CACNA2D1: variants seen among roughly 807,000 people sequenced by gnomAD.
CACNA2D1 encodes calcium voltage-gated channel auxiliary subunit alpha2delta 1, also known as voltage-dependent calcium channel subunit alpha-2/delta-1.
CACNA2D1 carries 53 observed loss-of-function variants against 171.5 expected under a neutral mutation model. That is an observed-to-expected ratio of 0.31 (90% CI 0.25 to 0.39). The LOEUF is 0.39. Ranked by LOEUF, CACNA2D1 falls within the 10% of genes least tolerant of loss-of-function variation. CACNA2D1 has a pLI of 1.00. For synonymous variants in CACNA2D1, 442 were observed against 443.1 expected, an observed-to-expected ratio of 1.00 and a Z score of 0.03; for missense variants, 903 against 1,299.8, an observed-to-expected ratio of 0.69 and a Z score of 4.69.
intron 23 of CACNA2D1, 37 bp downstream of exon 23, chr7:81,983,277 T>A: frequency 6.4e-7 from 1 of 1,563,860 alleles, no homozygotes; most frequent in Non-Finnish European, 8.8e-7. Context: ...TCAAGTGTAC[T>A]AAACAGAAAG....
At chr7:82,432,791 T>C (rs759617195) in intron 1 of CACNA2D1, among the ~76,000 whole-genome samples, 8 of 152,228 alleles carry the variant, frequency 5.3e-5, no homozygotes, top group Non-Finnish European at 1.0e-4. Flanking sequence ...GAATAAGTAA[T>C]GCTCAATTGC....
At chr7:81,954,533 G>A (rs1385775728) in intron 38 of CACNA2D1, among the ~76,000 whole-genome samples, 1 of 151,970 alleles carries the variant, frequency 6.6e-6, no homozygotes, top group East Asian at 1.9e-4. Context: ...TGAAGTTACT[G>A]TTGCTAAACT....
chr7:81,995,874 T>C (rs1199828201), intron 19 of CACNA2D1, among the ~76,000 whole-genome samples: 1 of 151,938 alleles, frequency 6.6e-6, no homozygotes, highest in Admixed American at 6.6e-5. Context: ...TCTCAGAAGT[T>C]TCCTCAACTT....
chr7:82,291,536 G>T (rs1811601220), intron 3 of CACNA2D1, among the ~76,000 whole-genome samples: 2 of 126,832 alleles, frequency 1.6e-5, no homozygotes, highest in African/African-American at 6.0e-5. Context: ...ATCTATATAT[G>T]TGATATATAG....
At chr7:82,138,384 T>C (rs1414005533) in intron 4 of CACNA2D1, among the ~76,000 whole-genome samples, 1 of 151,896 alleles carries the variant, frequency 6.6e-6, no homozygotes, top group Non-Finnish European at 1.5e-5. Flanking sequence ...AATTTTAACA[T>C]GCATAAAAAT....
chr7:81,995,083 G>T (rs1234707726), intron 19 of CACNA2D1, 144 bp from the exon 20 acceptor site: 2 of 549,638 alleles, frequency 3.6e-6, no homozygotes, highest in Non-Finnish European at 6.6e-6. Context: ...ACCAGTATCT[G>T]CAGTTGTTCT....
chr7:82,259,950 C>T (rs992454841), intron 3 of CACNA2D1, among the ~76,000 whole-genome samples: 5 of 152,108 alleles, frequency 3.3e-5, no homozygotes, highest in African/African-American at 1.2e-4. Flanking sequence ...GGGCTGGACA[C>T]GGTGGCTCAT....
chr7:82,384,586 C>T (rs926614267), intron 1 of CACNA2D1, among the ~76,000 whole-genome samples: 3 of 148,816 alleles, frequency 2.0e-5, no homozygotes, highest in African/African-American at 7.5e-5. Context: ...AAAAAAATCA[C>T]TGGTAAAGGA....
chr7:82,043,359 G>C (rs1299938988), intron 10 of CACNA2D1, among the ~76,000 whole-genome samples: 1 of 152,078 alleles, frequency 6.6e-6, no homozygotes, highest in Non-Finnish European at 1.5e-5. Flanking sequence ...AATTATTTTA[G>C]TAAAAAGGAT....
At chr7:82,264,172 G>A (rs533748331) in intron 3 of CACNA2D1, among the ~76,000 whole-genome samples, 1 of 152,210 alleles carries the variant, frequency 6.6e-6, no homozygotes, top group African/African-American at 2.4e-5. Flanking sequence ...CTGTTTCAAT[G>A]TCCCTGTCTA....
chr7:82,306,578 G>A (rs1445152887), intron 3 of CACNA2D1, among the ~76,000 whole-genome samples: 1 of 152,150 alleles, frequency 6.6e-6, no homozygotes, highest in Non-Finnish European at 1.5e-5. Context: ...CTGAGAGACT[G>A]GAGACATCGT....
chr7:82,305,775 A>T (rs963001396), intron 3 of CACNA2D1, among the ~76,000 whole-genome samples: 3 of 151,982 alleles, frequency 2.0e-5, no homozygotes, highest in Admixed American at 2.0e-4. Flanking sequence ...GATTTTCATC[A>T]TATCTATAGA....
chr7:82,395,799 T>C (rs574916438), intron 1 of CACNA2D1, among the ~76,000 whole-genome samples: 5 of 152,146 alleles, frequency 3.3e-5, no homozygotes, highest in African/African-American at 1.2e-4. Flanking sequence ...GCTAGAAATA[T>C]TTTCTAGCAT....
At chr7:82,140,632 C>A (rs778052225) in intron 4 of CACNA2D1, among the ~76,000 whole-genome samples, 3 of 151,684 alleles carry the variant, frequency 2.0e-5, no homozygotes, top group African/African-American at 7.3e-5. Context: ...AAATATTTTC[C>A]AAGTCTCAGT....
At chr7:82,402,103 T>C (rs1241865785) in intron 1 of CACNA2D1, among the ~76,000 whole-genome samples, 1 of 152,178 alleles carries the variant, frequency 6.6e-6, no homozygotes, top group African/African-American at 2.4e-5. Context: ...GATAGAGCTA[T>C]TGATTGCTGG....
chr7:82,277,745 C>CCT (rs1809538120), intron 3 of CACNA2D1, among the ~76,000 whole-genome samples: 1 of 142,094 alleles, frequency 7.0e-6, no homozygotes, highest in African/African-American at 2.6e-5. Flanking sequence ...TAATTTTTTA[C>CCT]TTTTATTTTT....
At chr7:82,240,761 G>A (rs1056210535) in intron 3 of CACNA2D1, among the ~76,000 whole-genome samples, 11 of 152,066 alleles carry the variant, frequency 7.2e-5, no homozygotes, top group African/African-American at 2.7e-4. Flanking sequence ...AAGGTCAAGA[G>A]ATCGAGACCA....
intron 1 of CACNA2D1, among the ~76,000 whole-genome samples, chr7:82,440,628 T>G (rs1017252450): frequency 6.6e-6 from 1 of 151,884 alleles, no homozygotes; most frequent in Non-Finnish European, 1.5e-5. Context: ...AAAATTTCCT[T>G]GTCTGAAAAA....
intron 1 of CACNA2D1, among the ~76,000 whole-genome samples, chr7:82,411,310 G>A (rs1049689769): frequency 2.6e-5 from 4 of 152,168 alleles, no homozygotes; most frequent in African/African-American, 7.2e-5. Context: ...CACTATTACT[G>A]TCTATATAGT....
Sources: allele counts gnomAD v4.1 joint callset (sites outside exome capture counted in the v4.1 genomes callset), GRCh38; gene constraint gnomAD v4.1.1; transcripts MANE v1.5; gene names NCBI Gene and HGNC (gene_info 2026-07-23, HGNC 2026-07-21).